Variants in TMEM163 observed in about 807,000 individuals in gnomAD.
TMEM163 encodes transmembrane protein 163.
A neutral mutation model predicts 29.3 loss-of-function variants in TMEM163; 17 were observed. The observed-to-expected ratio is 0.58, with a 90% confidence interval of 0.40 to 0.87. The LOEUF (loss-of-function observed/expected upper bound fraction) is 0.87. TMEM163 is among the 40% of genes least tolerant of loss of function. The probability of loss-of-function intolerance (pLI) is 0.00; values close to 1 mark genes in which losing one functional copy is unlikely to be tolerated. For synonymous variants in TMEM163, 157 were observed against 160.6 expected (o/e 0.98, Z 0.17); for missense variants, 303 against 381.5 (o/e 0.79, Z 1.71).
chr2:134,693,377 C>G (rs143192081), intron 2 of TMEM163, among the ~76,000 whole-genome samples: 1 of 152,184 alleles, frequency 6.6e-6, no homozygotes, highest in Non-Finnish European at 1.5e-5. Context: ...CAGGCCAAGG[C>G]GGGTGGATCA....
chr2:134,550,919 T>A (rs961989591), intron 3 of TMEM163, among the ~76,000 whole-genome samples: 1 of 152,082 alleles, frequency 6.6e-6, no homozygotes, highest in Admixed American at 6.5e-5. Context: ...GAGCGGAAGG[T>A]GGGGGAGTTC....
chr2:134,576,629 C>T (rs1681561000), intron 2 of TMEM163, among the ~76,000 whole-genome samples: 2 of 152,130 alleles, frequency 1.3e-5, no homozygotes, highest in African/African-American at 4.8e-5. Context: ...CAGATAATGG[C>T]CTGGCCTCTC....
intron 2 of TMEM163, among the ~76,000 whole-genome samples, chr2:134,678,264 G>A (rs146569802): frequency 6.6e-6 from 1 of 152,152 alleles, no homozygotes; most frequent in Admixed American, 6.5e-5. Flanking sequence ...GGGTGCGAGC[G>A]CCAGGACAGG....
chr2:134,629,866 G>A (rs974125799), intron 2 of TMEM163, among the ~76,000 whole-genome samples: 1 of 152,194 alleles, frequency 6.6e-6, no homozygotes, highest in African/African-American at 2.4e-5. Flanking sequence ...AAAGAAAAGA[G>A]TTGACGGACA....
intron 2 of TMEM163, among the ~76,000 whole-genome samples, chr2:134,661,153 C>T (rs1001281402): frequency 4.6e-5 from 5 of 108,804 alleles, no homozygotes; most frequent in Non-Finnish European, 9.6e-5. Flanking sequence ...ACACACACAG[C>T]TCTTGCTTGC....
chr2:134,523,682 G>T (rs376611223), intron 4 of TMEM163, among the ~76,000 whole-genome samples: 2 of 152,122 alleles, frequency 1.3e-5, no homozygotes, highest in African/African-American at 4.8e-5. Flanking sequence ...TCAGTCTAGA[G>T]GTAGACAAGT....
chr2:134,550,520 C>T, intron 4 of TMEM163, 50 bp downstream of exon 4: 2 of 1,578,054 alleles, frequency 1.3e-6, no homozygotes, highest in Non-Finnish European at 1.7e-6. Flanking sequence ...ATTCCGTGGC[C>T]TTCATCTGCA....
At chr2:134,462,118 C>T (rs1408417436) in intron 6 of TMEM163, among the ~76,000 whole-genome samples, 1 of 151,984 alleles carries the variant, frequency 6.6e-6, no homozygotes. Flanking sequence ...CACAGGGCCC[C>T]CTGGGAACAG....
Position 134,564,037 on chromosome 2 carries a change from C to T in TMEM163, c.323-11946G>A, listed in dbSNP as rs1023597728. On this transcript the variant is annotated intron_variant, in intron 2 of 7. Coordinates refer to ENST00000281924, the MANE Select transcript of TMEM163 (RefSeq NM_030923.5). ...CTACACTCCAGCCTGGGTGACAGAG[C>T]GAGACTCCACTGCGGCAGCAGTGGC... Among the ~76,000 whole-genome samples the T allele has an allele frequency of 4.7e-4, 71 of 152,172 alleles. 1 individual carries two copies. Among genetic ancestry groups the T allele is most frequent in the East Asian group, 1.9e-4 (1 of 5,174 alleles).
intron 5 of TMEM163, among the ~76,000 whole-genome samples, chr2:134,493,005 T>C (rs763034751): frequency 4.6e-5 from 7 of 152,196 alleles, no homozygotes; most frequent in Non-Finnish European, 7.3e-5. Flanking sequence ...CAAATTTTGG[T>C]TTTGGGGGGT....
intron 2 of TMEM163, among the ~76,000 whole-genome samples, chr2:134,614,990 ACT>A (rs374267275): frequency 1.1e-3 from 171 of 152,322 alleles, no homozygotes; most frequent in African/African-American, 3.8e-3. Context: ...AATGATCAAA[ACT>A]CAACATTAAA....
At chr2:134,615,402 C>G (rs1206397056) in intron 2 of TMEM163, among the ~76,000 whole-genome samples, 11 of 152,142 alleles carry the variant, frequency 7.2e-5, no homozygotes, top group Non-Finnish European at 1.5e-4. Context: ...GTGGATAGCT[C>G]ATTTTGAAAA....
intron 2 of TMEM163, among the ~76,000 whole-genome samples, chr2:134,665,657 C>G (rs1683857618): frequency 6.6e-6 from 1 of 152,146 alleles, no homozygotes; most frequent in Non-Finnish European, 1.5e-5. Context: ...CCCACCACCC[C>G]CTTCACTTTA....
intron 7 of TMEM163, 146 bp from the exon 8 acceptor site, chr2:134,456,922 C>T: frequency 2.5e-6 from 2 of 801,508 alleles, no homozygotes; most frequent in Non-Finnish European, 4.0e-6. Flanking sequence ...GTATATTCAT[C>T]CATTTGTGTT....
intron 5 of TMEM163, among the ~76,000 whole-genome samples, chr2:134,479,082 C>T (rs1036502501): frequency 3.3e-5 from 5 of 152,210 alleles, no homozygotes; most frequent in African/African-American, 1.2e-4. Context: ...GGCAGGCCCT[C>T]ACAAGACACC....
intron 5 of TMEM163, among the ~76,000 whole-genome samples, chr2:134,480,290 C>T (rs1574163485): frequency 1.3e-5 from 2 of 152,142 alleles, no homozygotes; most frequent in Non-Finnish European, 2.9e-5. Context: ...TTTGCACATG[C>T]CACTCTCTCT....
intron 4 of TMEM163, among the ~76,000 whole-genome samples, chr2:134,519,203 A>T (rs1680140137): frequency 6.6e-6 from 1 of 152,196 alleles, no homozygotes; most frequent in South Asian, 2.1e-4. Flanking sequence ...AAGCCAAATA[A>T]ATCAGATTAG....
At chr2:134,651,246 T>C (rs1683472374) in intron 2 of TMEM163, among the ~76,000 whole-genome samples, 1 of 125,668 alleles carries the variant, frequency 8.0e-6, no homozygotes, top group Non-Finnish European at 1.6e-5. Flanking sequence ...CTAACTGGTG[T>C]GAGATGGTAT....
chr2:134,488,973 T>G (rs929237209), intron 5 of TMEM163, among the ~76,000 whole-genome samples: 1 of 152,112 alleles, frequency 6.6e-6, no homozygotes, highest in Non-Finnish European at 1.5e-5. Context: ...AAATATAAAG[T>G]GTGGTAACAT....
Sources: gnomAD v4.1 joint callset for allele counts (sites outside exome capture counted in the v4.1 genomes callset) on GRCh38, gnomAD v4.1.1 for gene constraint, MANE v1.5 for transcripts, NCBI Gene and HGNC (gene_info 2026-07-23, HGNC 2026-07-21) for gene names.